Variants in RAB27B observed in about 807,000 individuals in gnomAD.
The protein encoded by RAB27B is RAB27B, member RAS oncogene family.
RAB27B carries 15 observed loss-of-function variants against 24.6 expected under a neutral mutation model. The ratio of observed to expected loss-of-function variants is 0.61; its 90% CI spans 0.41 to 0.94. The LOEUF is 0.94. Ranked by LOEUF, RAB27B falls within the 40% of genes least tolerant of loss-of-function variation. RAB27B has a pLI of 0.00. For missense variants in RAB27B, 261 were observed against 266.8 expected (o/e 0.98, Z 0.15); for synonymous variants, 105 against 92.5 (o/e 1.14, Z -0.78).
At chr18:54,791,459 C>T (rs1218325851) in intron 2 of RAB27B, among the ~76,000 whole-genome samples, 1 of 152,112 alleles carries the variant, frequency 6.6e-6, no homozygotes, top group East Asian at 1.9e-4. Context: ...CCTGTAGTCC[C>T]AGCTACTCAG....
intron 2 of RAB27B, among the ~76,000 whole-genome samples, chr18:54,804,488 C>T (rs545417246): frequency 2.4e-4 from 36 of 152,294 alleles, no homozygotes; most frequent in African/African-American, 8.4e-4. Flanking sequence ...GGAGGCCTCC[C>T]CAGCCACATG....
intron 1 of RAB27B, among the ~76,000 whole-genome samples, chr18:54,874,454 A>T (rs1390678685): frequency 6.6e-6 from 1 of 152,072 alleles, no homozygotes; most frequent in Non-Finnish European, 1.5e-5. Flanking sequence ...TTCCATTTTT[A>T]AAATTTTCAT....
chr18:54,741,038 C>T (rs751544008), intron 2 of RAB27B, among the ~76,000 whole-genome samples: 5 of 152,002 alleles, frequency 3.3e-5, no homozygotes, highest in East Asian at 1.9e-4. Context: ...GCATTTATTC[C>T]GGAAGTCATG....
At chr18:54,830,801 G>C (rs1427749242) in intron 1 of RAB27B, among the ~76,000 whole-genome samples, 4 of 151,850 alleles carry the variant, frequency 2.6e-5, no homozygotes, top group African/African-American at 9.7e-5. Context: ...ACCTCCCATT[G>C]GCACTCCTTA....
At chr18:54,717,896 T>C (rs761363499) in exon 1 of RAB27B, 3 of 152,196 alleles carry the variant, frequency 2.0e-5, no homozygotes, top group Non-Finnish European at 4.4e-5. Context: ...GCAGCATCAG[T>C]ATCGGCTCAG....
At chr18:54,868,043 G>C (rs1912310920) in intron 1 of RAB27B, among the ~76,000 whole-genome samples, 1 of 152,150 alleles carries the variant, frequency 6.6e-6, no homozygotes, top group African/African-American at 2.4e-5. Context: ...GGAGGTGTTT[G>C]GGTCACAGGG....
chr18:54,770,224 A>T (rs1363907913), intron 2 of RAB27B, among the ~76,000 whole-genome samples: 1 of 152,158 alleles, frequency 6.6e-6, no homozygotes, highest in African/African-American at 2.4e-5. Flanking sequence ...ATGGCCTGTT[A>T]GGAACAGGGC....
chr18:54,750,090 T>A (rs1907783774), intron 2 of RAB27B, among the ~76,000 whole-genome samples: 1 of 152,226 alleles, frequency 6.6e-6, no homozygotes, highest in Admixed American at 6.5e-5. Flanking sequence ...TATATTTATG[T>A]GCAACAGAAG....
chr18:54,850,332 G>T (rs1387068894), intron 1 of RAB27B, among the ~76,000 whole-genome samples: 3 of 23,180 alleles, frequency 1.3e-4, no homozygotes, highest in Non-Finnish European at 2.2e-4. Context: ...CAAACAAACA[G>T]GATATATATA....
chr18:54,871,732 C>T (rs1912472845), intron 1 of RAB27B, among the ~76,000 whole-genome samples: 1 of 151,730 alleles, frequency 6.6e-6, no homozygotes, highest in Non-Finnish European at 1.5e-5. Context: ...CACCTTTAGT[C>T]CCAGCTACTT....
intron 2 of RAB27B, among the ~76,000 whole-genome samples, chr18:54,732,810 A>C (rs1431564401): frequency 1.3e-5 from 2 of 152,174 alleles, no homozygotes; most frequent in Non-Finnish European, 2.9e-5. Context: ...TTTCTACAGG[A>C]CCAACCTCTA....
intron 2 of RAB27B, among the ~76,000 whole-genome samples, chr18:54,764,369 A>G (rs1908292481): frequency 6.6e-6 from 1 of 152,212 alleles, no homozygotes; most frequent in African/African-American, 2.4e-5. Context: ...CCTGAAATGC[A>G]ATATTGTAAA....
intron 2 of RAB27B, among the ~76,000 whole-genome samples, chr18:54,820,854 C>G (rs1455232789): frequency 6.6e-6 from 1 of 152,090 alleles, no homozygotes; most frequent in African/African-American, 2.4e-5. Flanking sequence ...GTTTTCCCAG[C>G]ACCATTTATT....
intron 2 of RAB27B, among the ~76,000 whole-genome samples, chr18:54,731,273 A>G (rs983689475): frequency 1.3e-5 from 2 of 152,236 alleles, no homozygotes; most frequent in African/African-American, 4.8e-5. Flanking sequence ...AAATGTATTA[A>G]CAGAATATAT....
At chr18:54,742,757 A>G (rs1346786389) in intron 2 of RAB27B, among the ~76,000 whole-genome samples, 1 of 152,176 alleles carries the variant, frequency 6.6e-6, no homozygotes, top group East Asian at 1.9e-4. Context: ...GATGCTGCCC[A>G]CTTGCATATG....
chr18:54,778,162 A>G (rs1908776069), intron 2 of RAB27B, among the ~76,000 whole-genome samples: 1 of 152,228 alleles, frequency 6.6e-6, no homozygotes, highest in African/African-American at 2.4e-5. Flanking sequence ...CCTCATAAAT[A>G]ATATAATCGC....
chr18:54,752,215 T>C (rs1014335013), intron 2 of RAB27B, among the ~76,000 whole-genome samples: 6 of 152,204 alleles, frequency 3.9e-5, no homozygotes, highest in African/African-American at 1.4e-4. Context: ...TAATTTTCTA[T>C]ATATGGGCAC....
chr18:54,872,391 C>T lies in RAB27B; in HGVS notation c.-19-5176C>T, dbSNP rs1035254578. Among the ~76,000 whole-genome samples, 6 of 151,916 alleles carry T rather than the reference C, an allele frequency of 3.9e-5. No individual in the cohort carries two copies. The South Asian group carries it at 8.4e-4, about 21-fold the overall frequency. On this transcript the variant is annotated intron_variant, in intron 1 of 5. Transcript: ENST00000262094. ...CTGTAATCCCAGCACTTTGGGAGGC[C>T]GAGGCGGGCGGATCACCTGAGGTTG...
intron 2 of RAB27B, among the ~76,000 whole-genome samples, chr18:54,734,233 G>A (rs571599356): frequency 1.3e-5 from 2 of 152,232 alleles, no homozygotes; most frequent in South Asian, 4.1e-4. Context: ...GTCTGCTAGT[G>A]GACTGAAAGG....
Sources: allele counts gnomAD v4.1 joint callset (sites outside exome capture counted in the v4.1 genomes callset), GRCh38; gene constraint gnomAD v4.1.1; transcripts MANE v1.5; gene names NCBI Gene and HGNC (gene_info 2026-07-23, HGNC 2026-07-21).